PALLD: variants seen among roughly 807,000 people sequenced by gnomAD.
PALLD encodes the protein palladin.
Under a neutral mutation model 123.5 loss-of-function variants are expected in PALLD, and 61 were observed. That is an observed-to-expected ratio of 0.49 (90% CI 0.40 to 0.61). PALLD has a LOEUF of 0.61. Ranked by LOEUF, PALLD falls within the 20% of genes least tolerant of loss-of-function variation. PALLD has a pLI of 0.00. For synonymous variants in PALLD, 465 were observed against 496.4 expected, an observed-to-expected ratio of 0.94 and a Z score of 0.84; for missense variants, 1,273 against 1,377.0, an observed-to-expected ratio of 0.92 and a Z score of 1.20.
At chr4:168,791,414 G>T (rs1737504599) in intron 10 of PALLD, among the ~76,000 whole-genome samples, 1 of 152,112 alleles carries the variant, frequency 6.6e-6, no homozygotes, top group Non-Finnish European at 1.5e-5. Context: ...TGCATGGCTG[G>T]GGAGGCCTCA....
chr4:168,912,143 C>G (rs1369400338), intron 15 of PALLD, among the ~76,000 whole-genome samples: 3 of 152,158 alleles, frequency 2.0e-5, no homozygotes, highest in African/African-American at 7.2e-5. Flanking sequence ...CCACTCCAGT[C>G]TACTCACAGT....
chr4:168,773,993 A>T (rs1261310291), intron 10 of PALLD, among the ~76,000 whole-genome samples: 1 of 151,914 alleles, frequency 6.6e-6, no homozygotes, highest in Non-Finnish European at 1.5e-5. Context: ...CCTGGGAATA[A>T]GAGTTGGAAA....
intron 10 of PALLD, among the ~76,000 whole-genome samples, chr4:168,816,182 G>A (rs1581617136): frequency 6.6e-6 from 1 of 152,220 alleles, no homozygotes; most frequent in East Asian, 1.9e-4. Flanking sequence ...TTCTTAAATA[G>A]GGAATGCAGA....
intron 2 of PALLD, among the ~76,000 whole-genome samples, chr4:168,605,569 A>G (rs573993573): frequency 3.6e-4 from 55 of 152,326 alleles, no homozygotes; most frequent in Non-Finnish European, 5.7e-4. Flanking sequence ...ACTGTGATCA[A>G]TGTTGGTCAG....
chr4:168,616,772 C>T (rs1774260158), intron 2 of PALLD, among the ~76,000 whole-genome samples: 1 of 152,080 alleles, frequency 6.6e-6, no homozygotes, highest in Admixed American at 6.6e-5. Context: ...AACAAGCTTC[C>T]CAGGCAATTC....
chr4:168,926,932 A>C lies in PALLD; in HGVS notation c.*752A>C, dbSNP rs1762646746. ...ATGTTTTTATATTAAATCATAAGGA[A>C]GGAACTACTTGCCTTAAATGTTAAT... On this transcript the variant is annotated 3_prime_UTR_variant, in exon 22 of 22. Coordinates refer to ENST00000505667, the MANE Select transcript of PALLD (RefSeq NM_001166108.2). 1 of 219,722 alleles carries C rather than the reference A, an allele frequency of 4.6e-6. No homozygotes were observed. Among genetic ancestry groups the C allele is most frequent in the Admixed American group, 5.8e-5 (1 of 17,346 alleles). The allele number at this position is 219,722 out of a possible 1,614,324, so 13.6% of individuals were successfully genotyped here. A position where few individuals can be genotyped will look rare whatever the true frequency, so the allele number is the denominator to read the frequency against.
intron 11 of PALLD, among the ~76,000 whole-genome samples, chr4:168,892,055 A>G (rs143464196): frequency 9.9e-4 from 151 of 152,348 alleles, no homozygotes; most frequent in African/African-American, 3.4e-3. Flanking sequence ...GGTAAAATAT[A>G]TAGATAAGAT....
chr4:168,696,767 A>T (rs1460658783), intron 8 of PALLD, among the ~76,000 whole-genome samples: 1 of 152,220 alleles, frequency 6.6e-6, no homozygotes, highest in Non-Finnish European at 1.5e-5. Context: ...AAACGAGCAG[A>T]TGTCCCACAA....
At chr4:168,778,098 G>A (rs1735419890) in intron 10 of PALLD, among the ~76,000 whole-genome samples, 1 of 152,178 alleles carries the variant, frequency 6.6e-6, no homozygotes. Flanking sequence ...GGAAAAAAGG[G>A]GTAGGAGAAC....
At chr4:168,917,530 C>G (rs552474205) in intron 17 of PALLD, among the ~76,000 whole-genome samples, 1 of 152,088 alleles carries the variant, frequency 6.6e-6, no homozygotes, top group East Asian at 1.9e-4. Context: ...TTTTTTGCCC[C>G]CTGTTTACTG....
intron 10 of PALLD, among the ~76,000 whole-genome samples, chr4:168,793,034 T>C (rs1737760360): frequency 6.6e-6 from 1 of 151,666 alleles, no homozygotes; most frequent in South Asian, 2.1e-4. Context: ...CCCAAAGTGC[T>C]GGGATTACAG....
intron 1 of PALLD, among the ~76,000 whole-genome samples, chr4:168,499,845 G>T (rs1254750148): frequency 6.6e-5 from 10 of 152,182 alleles, no homozygotes; most frequent in Admixed American, 6.5e-5. Context: ...CTTACTGCCT[G>T]TCAATGTTTT....
intron 10 of PALLD, among the ~76,000 whole-genome samples, chr4:168,845,130 G>C (rs1310941087): frequency 6.6e-6 from 1 of 152,180 alleles, no homozygotes; most frequent in Admixed American, 6.5e-5. Flanking sequence ...CCGGAGCAGA[G>C]GAGGTGAGGG....
At chr4:168,734,254 C>T (rs570051327) in intron 10 of PALLD, among the ~76,000 whole-genome samples, 12 of 151,378 alleles carry the variant, frequency 7.9e-5, no homozygotes, top group East Asian at 5.8e-4. Flanking sequence ...TATAAAATAA[C>T]GGTATAAGTC....
intron 17 of PALLD, among the ~76,000 whole-genome samples, chr4:168,919,167 T>C (rs1760885543): frequency 6.6e-6 from 1 of 152,166 alleles, no homozygotes. Flanking sequence ...ATTAAAAGAA[T>C]ATTGGAAACA....
chr4:168,840,903 T>G (rs1168115097), intron 10 of PALLD, among the ~76,000 whole-genome samples: 12 of 152,134 alleles, frequency 7.9e-5, no homozygotes, highest in Non-Finnish European at 5.9e-5. Context: ...CAGGCTGGAG[T>G]GCATTGGTGT....
intron 2 of PALLD, among the ~76,000 whole-genome samples, chr4:168,583,880 C>A (rs2149662821): frequency 6.6e-6 from 1 of 152,288 alleles, no homozygotes; most frequent in South Asian, 2.1e-4. Flanking sequence ...ACCTTCCAAT[C>A]CAAACTGAGG....
At chr4:168,816,379 G>A (rs1342092548) in intron 10 of PALLD, among the ~76,000 whole-genome samples, 2 of 120,054 alleles carry the variant, frequency 1.7e-5, no homozygotes, top group Non-Finnish European at 3.7e-5. Flanking sequence ...TATGTTATAT[G>A]TGTATGTGTG....
chr4:168,534,462 G>C (rs1012410995), intron 2 of PALLD, among the ~76,000 whole-genome samples: 3 of 152,220 alleles, frequency 2.0e-5, no homozygotes, highest in African/African-American at 7.2e-5. Flanking sequence ...TCCCACAGAA[G>C]AAAGTGTTAA....
Sources: allele counts gnomAD v4.1 joint callset (sites outside exome capture counted in the v4.1 genomes callset), GRCh38; gene constraint gnomAD v4.1.1; transcripts MANE v1.5; gene names NCBI Gene and HGNC (gene_info 2026-07-23, HGNC 2026-07-21).